Variants in SEC61A1 observed in about 807,000 individuals in gnomAD.
SEC61A1 encodes the protein SEC61 translocon subunit alpha 1, also known as protein transport protein Sec61 subunit alpha isoform 1.
A neutral mutation model predicts 55.2 loss-of-function variants in SEC61A1; 15 were observed. The observed-to-expected ratio is 0.27, with a 90% CI of 0.18 to 0.42. The LOEUF (loss-of-function observed/expected upper bound fraction) is 0.42, where lower values mean the gene tolerates loss of function less well. Ranked by LOEUF, SEC61A1 falls within the 10% of genes least tolerant of loss-of-function variation. The probability of loss-of-function intolerance (pLI) is 1.00; values close to 1 mark genes in which losing one functional copy is unlikely to be tolerated. For synonymous variants in SEC61A1, 247 were observed against 234.0 expected (o/e 1.06, Z -0.51); for missense variants, 284 against 602.6 (o/e 0.47, Z 5.53).
chr3:128,062,090 G>A lies in SEC61A1; in HGVS notation c.616+1429G>A, dbSNP rs573140418. 5.3e-5 allele frequency among the ~76,000 whole-genome samples: 8 copies of A among 152,296 alleles called. No homozygotes were observed. In the South Asian group the frequency reaches 1.7e-3, roughly 32 times the overall value. ...TTTGGAGGAAGCAAGTTGAGAGAGG[G>A]GACCAGAGAGGCACTTTCAAGGTGG... On this transcript the variant is annotated intron_variant, in intron 7 of 11. Coordinates refer to ENST00000243253, the MANE Select transcript of SEC61A1 (RefSeq NM_013336.4).
chr3:128,052,851 C>T lies in SEC61A1; in HGVS notation c.24C>T (p.Val8=), dbSNP rs1334721828. 6 of 1,613,700 alleles carry T rather than the reference C, an allele frequency of 3.7e-6. No individual in the cohort carries two copies. Among genetic ancestry groups the T allele is most frequent in the Non-Finnish European group, 5.1e-6 (6 of 1,179,784 alleles). Reference sequence around the variant, plus strand: ...CCATCAAAGTCAAATTTCTGGAAGTCATCAAGCCCTTCTGTGTCATCCTGC... The same window carrying T: ...CCATCAAAGTCAAATTTCTGGAAGTTATCAAGCCCTTCTGTGTCATCCTGC... MAIKFLE[V]IKPFCVILPE... Residue 8 remains valine (V), a synonymous_variant, in exon 2 of 12, where the codon GTC becomes GTT. Transcript: ENST00000243253.
Position 128,065,018 on chromosome 3 carries a change from C to T in SEC61A1, c.758C>T (p.Ala253Val). 1 of 1,614,236 alleles carries T rather than the reference C, an allele frequency of 6.2e-7. No individual in the cohort carries two copies. Among genetic ancestry groups the T allele is most frequent in the Non-Finnish European group, 8.5e-7 (1 of 1,180,052 alleles). The change falls in exon 8 of 12, where the codon GCA becomes GTA. Residue 253 changes from alanine to valine, a missense_variant. Coordinates refer to ENST00000243253, the MANE Select transcript of SEC61A1 (RefSeq NM_013336.4). ...CTCATCGCCACCATCTTTGTCTTTG[C>T]AGTGGTCATCTATTTCCAGGTGTGT... ...MNLIATIFVF[A>V]VVIYFQGFRV...
At chr3:128,055,640 G>A (rs375258534) in intron 3 of SEC61A1, 33 bp from the exon 4 acceptor site, 4 of 1,607,182 alleles carry the variant, frequency 2.5e-6, no homozygotes, top group Admixed American at 1.7e-5. Context: ...GGAAACAGGA[G>A]TGCTGACTGT....
At position 128,067,338 on chromosome 3, in the gene SEC61A1, T is replaced by C; in HGVS notation, c.976-83T>C. 1 of 1,448,588 alleles carries C rather than the reference T, an allele frequency of 6.9e-7. No individual in the cohort carries two copies. The allele number at this position is 1,448,588 out of a possible 1,614,324, so 89.7% of individuals were successfully genotyped here. A position where few individuals can be genotyped will look rare whatever the true frequency, so the allele number is the denominator to read the frequency against. On this transcript the variant is annotated intron_variant, in intron 9 of 11. Coordinates refer to ENST00000243253, the MANE Select transcript of SEC61A1 (RefSeq NM_013336.4). This position sits in a 1 kb window ranked among gnomAD's most constrained non-coding sequence, Gnocchi z 4.1. ...TGGGCACCGAGTAAAATTGCATTCT[T>C]TCATCTGCTCAGAACTATTTTTGCC...
intron 2 of SEC61A1, among the ~76,000 whole-genome samples, chr3:128,053,796 A>C (rs1941728002): frequency 6.6e-6 from 1 of 152,198 alleles, no homozygotes; most frequent in South Asian, 2.1e-4. Context: ...CTTAATAGCT[A>C]TGTGACCTTG....
In SEC61A1 at chr3:128,067,747, A is replaced by G. The variant is rs973554351; in HGVS notation, c.1167+135A>G. 2.2e-5 allele frequency: 16 copies of G among 743,818 alleles called. No individual in the cohort carries two copies. The highest frequency in any genetic ancestry group is 2.8e-5 in the Non-Finnish European group (13 of 456,806). 46.1% of individuals were successfully genotyped at this position (743,818 alleles called of 1,614,324 possible). ...CGTCGTCCTTTAGGGGGCAGTTCAG[A>G]AGCTTTAAGGGCTGACAGATGGAGT... On this transcript the variant is annotated intron_variant, in intron 10 of 11. Coordinates refer to ENST00000243253, the MANE Select transcript of SEC61A1 (RefSeq NM_013336.4). This position sits in a 1 kb window ranked among gnomAD's most constrained non-coding sequence, Gnocchi z 4.1.
rs1340471877 is a variant in SEC61A1 at position 128,071,121 on chromosome 3, C to G, written c.*1459C>G. 6.6e-6 allele frequency: 1 copy of G among 152,360 alleles called. No individual in the cohort carries two copies. Among genetic ancestry groups the G allele is most frequent in the South Asian group, 2.1e-4 (1 of 4,832 alleles). 9.4% of individuals were successfully genotyped at this position (152,360 alleles called of 1,614,324 possible). Reference sequence around the variant, plus strand: ...CGCCACAGCCCGGCAGAGGGGCACACTCTGGAGACCTTGCTGGCAGTGCTA... The same window carrying G: ...CGCCACAGCCCGGCAGAGGGGCACAGTCTGGAGACCTTGCTGGCAGTGCTA... On this transcript the variant is annotated 3_prime_UTR_variant, in exon 12 of 12. Transcript: ENST00000243253.
Position 128,060,696 on chromosome 3 carries a change from T to C in SEC61A1, c.616+35T>C, listed in dbSNP as rs201826612. 4.8e-5 allele frequency: 76 copies of C among 1,597,030 alleles called. No individual in the cohort carries two copies. The Admixed American group carries it at 6.9e-4, about 15-fold the overall frequency. On this transcript the variant is annotated intron_variant, in intron 7 of 11. Transcript: ENST00000243253. ...CTGTGCTCCCCTGGTGGCGACAGCTTTCAGCAAAAACAATTGAGCAATGCA... is the reference window on the plus strand; with the variant it reads ...CTGTGCTCCCCTGGTGGCGACAGCTCTCAGCAAAAACAATTGAGCAATGCA...
rs572927350 is a variant in SEC61A1, at chr3:128,056,405, C to G, written c.221-304C>G. Among the ~76,000 whole-genome samples, 42 of 152,162 alleles carry G rather than the reference C, an allele frequency of 2.8e-4. 1 individual carries two copies. In the South Asian group the frequency reaches 8.7e-3, roughly 32 times the overall value. On this transcript the variant is annotated intron_variant, in intron 4 of 11. Coordinates refer to ENST00000243253, the MANE Select transcript of SEC61A1 (RefSeq NM_013336.4). The stretch of plus-strand genomic sequence containing the variant: ...CTTTTTTTATTAACTGATGAAGAGA[C>G]GAACATTTCTTATCTCTAAAACCAG...
chr3:128,052,465 A>T lies in SEC61A1; in HGVS notation c.-88A>T. 1.3e-6 allele frequency: 2 copies of T among 1,529,024 alleles called. No individual in the cohort carries two copies. Among genetic ancestry groups the T allele is most frequent in the Admixed American group, 2.1e-5 (1 of 48,154 alleles). The allele number at this position is 1,529,024 out of a possible 1,614,324, so 94.7% of individuals were successfully genotyped here. A position where few individuals can be genotyped will look rare whatever the true frequency, so the allele number is the denominator to read the frequency against. The stretch of plus-strand genomic sequence containing the variant: ...GTGTCTCTCGGCGGAGCTGCTGTGC[A>T]GTGGAACGCGCTGGGCCGCGGGCAG... On this transcript the variant is annotated 5_prime_UTR_variant, in exon 1 of 12. Transcript: ENST00000243253.
At chr3:128,058,456 C>T (rs1168013604) in intron 5 of SEC61A1, among the ~76,000 whole-genome samples, 1 of 152,084 alleles carries the variant, frequency 6.6e-6, no homozygotes, top group East Asian at 1.9e-4. Context: ...CTTCGTGATC[C>T]GCCCGCCTCA....
At chr3:128,060,418 C>T (rs1482212213) in intron 6 of SEC61A1, 90 bp from the exon 7 acceptor site, 47 of 1,379,384 alleles carry the variant, frequency 3.4e-5, no homozygotes, top group East Asian at 2.5e-4. Context: ...CCGTCTTCAG[C>T]GTTTATATCA....
Position 128,067,187 on chromosome 3 carries a change from G to A in SEC61A1, c.975+36G>A, listed in dbSNP as rs1942005859. 1 of 1,585,248 alleles carries A rather than the reference G, an allele frequency of 6.3e-7. No individual in the cohort carries two copies. The highest frequency in any genetic ancestry group is 1.1e-5 in the South Asian group (1 of 90,490). ...TCTTTGAAGATGAGCTAGCAATGCA[G>A]CTAAGTTGCAGTGGTTTCTATCAGT... On this transcript the variant is annotated intron_variant, in intron 9 of 11. Transcript: ENST00000243253. The surrounding 1 kb of genome is among the most constrained non-coding windows in gnomAD (Gnocchi z 4.1).
At chr3:128,065,408 C>T (rs1007500281) in intron 8 of SEC61A1, among the ~76,000 whole-genome samples, 1 of 152,214 alleles carries the variant, frequency 6.6e-6, no homozygotes, top group African/African-American at 2.4e-5. Flanking sequence ...GTAACTTCTG[C>T]ATCTCGGAAA....
chr3:128,065,974 C>T (rs887500179), intron 8 of SEC61A1, among the ~76,000 whole-genome samples: 5 of 151,894 alleles, frequency 3.3e-5, no homozygotes, highest in African/African-American at 1.2e-4. Context: ...GATCTCCTGA[C>T]CTCGTGATCC....
At chr3:128,068,916 A>G (rs768252037) in intron 11 of SEC61A1, 2 of 152,356 alleles carry the variant, frequency 1.3e-5, no homozygotes, top group Non-Finnish European at 2.9e-5. Flanking sequence ...GGCCTTACCT[A>G]AAGGAAGCAA....
intron 8 of SEC61A1, among the ~76,000 whole-genome samples, chr3:128,065,898 C>A (rs1262271970): frequency 6.6e-6 from 1 of 151,870 alleles, no homozygotes; most frequent in African/African-American, 2.4e-5. Context: ...CCTGTCACCA[C>A]GCCCGGCTAA....
At chr3:128,052,814 G>A in intron 1 of SEC61A1, 21 bp from the exon 2 acceptor site, 1 of 1,609,342 alleles carries the variant, frequency 6.2e-7, no homozygotes, top group Non-Finnish European at 8.5e-7. Context: ...AACTCTTCCT[G>A]TTTTGTTTCT....
chr3:128,057,191 C>G (rs1941784289), intron 5 of SEC61A1, among the ~76,000 whole-genome samples: 1 of 152,214 alleles, frequency 6.6e-6, no homozygotes, highest in Non-Finnish European at 1.5e-5. Context: ...CTCGGCCTCC[C>G]AAAGTGCTGG....
Sources: allele counts gnomAD v4.1 joint callset (sites outside exome capture counted in the v4.1 genomes callset), GRCh38; gene constraint gnomAD v4.1.1; non-coding constraint Gnocchi (gnomAD v3.1); transcripts MANE v1.5; gene names NCBI Gene and HGNC (gene_info 2026-07-23, HGNC 2026-07-21).